Variants in WFDC9 observed in about 807,000 individuals in gnomAD.
WFDC9 encodes the protein protein WFDC9.
Under a neutral mutation model 9.5 loss-of-function variants are expected in WFDC9, and 9 were observed. The observed-to-expected ratio is 0.95, with a 90% CI of 0.57 to 1.65. The LOEUF (loss-of-function observed/expected upper bound fraction) is 1.65. WFDC9 is among the 40% of genes most tolerant of loss of function. The probability of loss-of-function intolerance (pLI) is 0.00; values close to 1 mark genes in which losing one functional copy is unlikely to be tolerated. For synonymous variants in WFDC9, 33 were observed against 32.3 expected (o/e 1.02, Z -0.07); for missense variants, 87 against 106.7 (o/e 0.82, Z 0.81).
intron 1 of WFDC9, among the ~76,000 whole-genome samples, chr20:45,620,493 G>A (rs1159495841): frequency 1.3e-5 from 2 of 152,178 alleles, no homozygotes; most frequent in Non-Finnish European, 2.9e-5. Flanking sequence ...TCGGGAGGCT[G>A]AGGCATGAGA....
chr20:45,630,468 G>A (rs1982335830), intron 1 of WFDC9, among the ~76,000 whole-genome samples: 1 of 152,108 alleles, frequency 6.6e-6, no homozygotes, highest in African/African-American at 2.4e-5. Context: ...GAGGCATGTT[G>A]ATCCTCATCT....
intron 1 of WFDC9, among the ~76,000 whole-genome samples, chr20:45,615,816 T>C (rs959357158): frequency 4.6e-5 from 7 of 152,234 alleles, no homozygotes; most frequent in Non-Finnish European, 7.3e-5. Context: ...ATTAAAAAGG[T>C]ATGTTTACAC....
At chr20:45,608,240 T>C in intron 4 of WFDC9, 100 bp from the exon 5 acceptor site, 1 of 1,351,120 alleles carries the variant, frequency 7.4e-7, no homozygotes, top group Non-Finnish European at 1.0e-6. Context: ...ACAGCAATTC[T>C]TCTGCTAAAT....
intron 2 of WFDC9, among the ~76,000 whole-genome samples, chr20:45,611,814 C>T (rs1200352094): frequency 1.3e-5 from 2 of 152,208 alleles, no homozygotes; most frequent in Non-Finnish European, 2.9e-5. Flanking sequence ...TACATTTCCA[C>T]CTACCGGATA....
At position 45,610,225 on chromosome 20, in the gene WFDC9, A is replaced by G. The variant is rs1981830535; in HGVS notation, c.-44T>C. ...TTGGGTTAAGTTCTGGCAGAAGGCAAGTCTTTTCCCAATACTGCTAGACGT... is the reference window on the plus strand; with the variant it reads ...TTGGGTTAAGTTCTGGCAGAAGGCAGGTCTTTTCCCAATACTGCTAGACGT... On this transcript the variant is annotated 5_prime_UTR_variant, in exon 3 of 5. Transcript: ENST00000326000. 6.4e-7 allele frequency: 1 copy of G among 1,558,324 alleles called. No homozygotes were observed. Among genetic ancestry groups the G allele is most frequent in the Non-Finnish European group, 8.8e-7 (1 of 1,131,768 alleles).
At chr20:45,618,599 A>C (rs1189512635) in intron 1 of WFDC9, among the ~76,000 whole-genome samples, 1 of 152,172 alleles carries the variant, frequency 6.6e-6, no homozygotes, top group South Asian at 2.1e-4. Flanking sequence ...GTTGTGTCTC[A>C]GGGAATAAAG....
chr20:45,620,162 T>C (rs1018095357), intron 1 of WFDC9, among the ~76,000 whole-genome samples: 1 of 152,226 alleles, frequency 6.6e-6, no homozygotes, highest in African/African-American at 2.4e-5. Flanking sequence ...AGTAGCGTTA[T>C]TTGTTTTTCA....
At chr20:45,630,295 T>G in intron 1 of WFDC9, among the ~76,000 whole-genome samples, 1 of 151,906 alleles carries the variant, frequency 6.6e-6, no homozygotes, top group East Asian at 1.9e-4. Flanking sequence ...AGAATGGGTA[T>G]AAGTGTAGGG....
intron 1 of WFDC9, chr20:45,630,834 A>G: frequency 6.5e-7 from 1 of 1,539,522 alleles, no homozygotes; most frequent in Non-Finnish European, 8.7e-7. Context: ...TTCTCTAGGA[A>G]ACTGCGTTTA....
intron 1 of WFDC9, among the ~76,000 whole-genome samples, chr20:45,625,285 A>G (rs958312383): frequency 7.2e-5 from 11 of 152,100 alleles, no homozygotes; most frequent in Admixed American, 5.2e-4. Context: ...TTACGATCCA[A>G]TCACCTCCTG....
chr20:45,627,641 G>A (rs1167698724), intron 1 of WFDC9, among the ~76,000 whole-genome samples: 1 of 152,170 alleles, frequency 6.6e-6, no homozygotes, highest in Non-Finnish European at 1.5e-5. Flanking sequence ...TGCATAAGGT[G>A]AGATATGGGG....
intron 2 of WFDC9, among the ~76,000 whole-genome samples, chr20:45,612,828 C>A (rs1981890446): frequency 6.6e-6 from 1 of 152,146 alleles, no homozygotes; most frequent in Non-Finnish European, 1.5e-5. Flanking sequence ...AACCTAATTA[C>A]AATGGAAACT....
Position 45,631,219 on chromosome 20 carries a change from A to G in WFDC9, c.-169T>C, listed in dbSNP as rs1009937735. 1 of 468,508 alleles carries G rather than the reference A, an allele frequency of 2.1e-6. No homozygotes were observed. The highest frequency in any genetic ancestry group is 3.5e-6 in the Non-Finnish European group (1 of 286,024). The allele number at this position is 468,508 out of a possible 1,614,324, so 29.0% of individuals were successfully genotyped here. On this transcript the variant is annotated 5_prime_UTR_variant, in exon 1 of 5. Transcript: ENST00000326000. Reference sequence around the variant, plus strand: ...GGATCCTACCTCTTTTGCTGCCACTACAGATGATCATTGAGAGCTCACTGT... The same window carrying G: ...GGATCCTACCTCTTTTGCTGCCACTGCAGATGATCATTGAGAGCTCACTGT...
intron 2 of WFDC9, among the ~76,000 whole-genome samples, chr20:45,610,558 A>G (rs1981838530): frequency 6.6e-6 from 1 of 152,228 alleles, no homozygotes; most frequent in African/African-American, 2.4e-5. Flanking sequence ...TAATCAATAT[A>G]TGTCTATACT....
At chr20:45,620,050 A>G (rs1246981826) in intron 1 of WFDC9, among the ~76,000 whole-genome samples, 2 of 152,112 alleles carry the variant, frequency 1.3e-5, no homozygotes, top group African/African-American at 2.4e-5. Flanking sequence ...GGAAAGAAAA[A>G]TAGCACAAAA....
At chr20:45,616,630 A>G (rs1244971536) in intron 1 of WFDC9, among the ~76,000 whole-genome samples, 4 of 152,164 alleles carry the variant, frequency 2.6e-5, no homozygotes, top group Non-Finnish European at 5.9e-5. Flanking sequence ...TCCAAAATGT[A>G]TGTTTTAAAT....
At chr20:45,620,921 G>T (rs1017874869) in intron 1 of WFDC9, among the ~76,000 whole-genome samples, 4 of 151,926 alleles carry the variant, frequency 2.6e-5, no homozygotes, top group Non-Finnish European at 4.4e-5. Flanking sequence ...ATTTTAATCT[G>T]AGAATCTCTG....
chr20:45,612,736 T>A (rs1981888475), intron 2 of WFDC9, among the ~76,000 whole-genome samples: 1 of 152,196 alleles, frequency 6.6e-6, no homozygotes, highest in African/African-American at 2.4e-5. Context: ...GACTACTTTT[T>A]AACATTATTT....
intron 1 of WFDC9, among the ~76,000 whole-genome samples, chr20:45,627,808 T>C (rs758078267): frequency 3.3e-5 from 5 of 152,218 alleles, no homozygotes; most frequent in Non-Finnish European, 5.9e-5. Context: ...TAATTTCTAA[T>C]TATTTCCATT....
Sources: allele counts gnomAD v4.1 joint callset (sites outside exome capture counted in the v4.1 genomes callset), GRCh38; gene constraint gnomAD v4.1.1; transcripts MANE v1.5; gene names NCBI Gene and HGNC (gene_info 2026-07-23, HGNC 2026-07-21).